The following FAM20A variants were observed in gnomAD, a reference collection of about 807,000 sequenced individuals.
FAM20A encodes the protein FAM20A golgi associated secretory pathway pseudokinase, also known as pseudokinase FAM20A.
In FAM20A, 42 loss-of-function variants were observed where a neutral mutation model predicts 52.0. That is an observed-to-expected ratio of 0.81 (90% CI 0.63 to 1.04). The LOEUF is 1.04. Among genes scored for constraint, FAM20A ranks in the 50% least tolerant of loss-of-function variants. The pLI is 0.00. For synonymous variants in FAM20A, 304 were observed against 298.9 expected, an observed-to-expected ratio of 1.02 and a Z score of -0.18; for missense variants, 742 against 712.7, an observed-to-expected ratio of 1.04 and a Z score of -0.47.
chr17:68,546,784 T>A (rs1053324354), intron 4 of FAM20A, among the ~76,000 whole-genome samples: 17 of 145,740 alleles, frequency 1.2e-4, no homozygotes, highest in African/African-American at 4.4e-4. Flanking sequence ...GAGCTGAGAT[T>A]GAGCCACTGG....
intron 4 of FAM20A, among the ~76,000 whole-genome samples, chr17:68,550,226 CTA>C (rs2086769792): frequency 6.6e-6 from 1 of 152,046 alleles, no homozygotes; most frequent in African/African-American, 2.4e-5. Context: ...ATTTCTAAAT[CTA>C]TATACTGTTT....
At chr17:68,549,577 T>G (rs1434991754) in intron 4 of FAM20A, among the ~76,000 whole-genome samples, 1 of 152,174 alleles carries the variant, frequency 6.6e-6, no homozygotes, top group Admixed American at 6.5e-5. Context: ...ACCTGGTGAT[T>G]TGTGGTGCGT....
chr17:68,535,299 A>C lies in FAM20A; in HGVS notation c.*2178T>G, dbSNP rs1681729737. The C allele has an allele frequency of 2.2e-6, 1 of 454,052 alleles. No homozygotes were observed. Among genetic ancestry groups the C allele is most frequent in the Admixed American group, 2.3e-5 (1 of 42,564 alleles). 28.1% of individuals were successfully genotyped at this position (454,052 alleles called of 1,614,324 possible). On this transcript the variant is annotated 3_prime_UTR_variant, in exon 11 of 11. Coordinates refer to ENST00000592554, the MANE Select transcript of FAM20A (RefSeq NM_017565.4). ...AAGTGAATAATAAGGTAGGTGTACC[A>C]CATATCATGGTGAAATTCAAGCCTA...
chr17:68,537,367 A>G lies in FAM20A; in HGVS notation c.*110T>C, dbSNP rs2086123318. 3 of 1,385,478 alleles carry G rather than the reference A, an allele frequency of 2.2e-6. No individual in the cohort carries two copies. The highest frequency in any genetic ancestry group is 3.1e-6 in the Non-Finnish European group (3 of 983,232). 85.8% of individuals were successfully genotyped at this position (1,385,478 alleles called of 1,614,324 possible). ...TGAGAAAATGTCCTGCTTCCTTCCT[A>G]GCTGACTTGACTCCCAGCAGTAACA... is the stretch of plus-strand genomic sequence containing the variant. On this transcript the variant is annotated 3_prime_UTR_variant, in exon 11 of 11. Transcript: ENST00000592554. The surrounding 1 kb of genome is among the most constrained non-coding windows in gnomAD (Gnocchi z 4.2).
chr17:68,537,575 C>T lies in FAM20A; in HGVS notation c.1528G>A (p.Glu510Lys). Residue 510 changes from glutamate to lysine, a missense_variant, in exon 11 of 11, where the codon GAG (glutamate) becomes AAG (lysine). Glu to Lys is a moderately conservative substitution (Grantham distance 56). Coordinates refer to ENST00000592554, the MANE Select transcript of FAM20A (RefSeq NM_017565.4). This position sits in a 1 kb window ranked among gnomAD's most constrained non-coding sequence, Gnocchi z 4.2. ...TGTCCATGGGCCACTATGCACCCCT[C>T]CACTGTCCTTAGGATGGTTTGGAGC... The part of the protein sequence containing the change: ...RRLQTILRTV[E>K]GCIVAHGQQS... 1 of 1,613,412 alleles carries T rather than the reference C, an allele frequency of 6.2e-7. No individual in the cohort carries two copies. The highest frequency in any genetic ancestry group is 8.5e-7 in the Non-Finnish European group (1 of 1,179,502).
intron 4 of FAM20A, among the ~76,000 whole-genome samples, chr17:68,546,940 C>T (rs79937303): frequency 0.019 from 2,862 of 152,012 alleles, 83 homozygotes; most frequent in African/African-American, 0.065. Context: ...TTAGTCTCCT[C>T]GGACATCTCC....
chr17:68,536,961 A>G lies in FAM20A; in HGVS notation c.*516T>C, dbSNP rs1355806600. ...AGATGGGTCCAGTGACTAGAATATG[A>G]GTAGAAAGTGTGAGGTCTAATTTGA... On this transcript the variant is annotated 3_prime_UTR_variant, in exon 11 of 11. Transcript: ENST00000592554. 2.2e-6 allele frequency: 1 copy of G among 454,240 alleles called. No individual in the cohort carries two copies. Among genetic ancestry groups the G allele is most frequent in the Non-Finnish European group, 4.4e-6 (1 of 226,976 alleles). The allele number at this position is 454,240 out of a possible 1,614,324, so 28.1% of individuals were successfully genotyped here.
chr17:68,550,934 A>G, intron 4 of FAM20A: 1 of 563,466 alleles, frequency 1.8e-6, no homozygotes, highest in East Asian at 3.5e-5. Flanking sequence ...CCTTAGAACC[A>G]TCTACTGGGG....
Position 68,600,401 on chromosome 17 carries a change from C to G in FAM20A, c.266G>C (p.Ser89Thr). Reference sequence around the variant, plus strand: ...GGCGAAGAGGGCCTGCAACTTGGAGCTCGACCCGCTGTGGCTGCCGCCAGC... The same window carrying G: ...GGCGAAGAGGGCCTGCAACTTGGAGGTCGACCCGCTGTGGCTGCCGCCAGC... ...EPAGGSHSGS[S>T]SKLQALFAHP... is the part of the protein sequence containing the mutation. The change falls in exon 1 of 11, where the codon AGC (serine) becomes ACC (threonine). Residue 89 changes from serine to threonine, a missense_variant. Physicochemically the swap from Ser to Thr is moderately conservative, Grantham distance 58. Transcript: ENST00000592554. The surrounding 1 kb of genome is among the most constrained non-coding windows in gnomAD (Gnocchi z 6.2). 1.2e-6 allele frequency: 2 copies of G among 1,609,620 alleles called. No individual in the cohort carries two copies. Among genetic ancestry groups the G allele is most frequent in the Non-Finnish European group, 1.7e-6 (2 of 1,178,584 alleles).
rs368530056 is a variant in FAM20A at position 68,571,714 on chromosome 17, G to A, written c.405-15971C>T. On this transcript the variant is annotated intron_variant, in intron 1 of 10. Transcript: ENST00000592554. ...TTTCCCCATGGCTGTGATGAATTTG[G>A]AAGAATCCTCCTTCATACTGTTCTA... Among the ~76,000 whole-genome samples, 46 of 151,932 alleles carry A rather than the reference G, an allele frequency of 3.0e-4. 1 individual carries two copies. Among genetic ancestry groups the A allele is most frequent in the African/African-American group, 7.7e-4 (32 of 41,442 alleles).
intron 1 of FAM20A, among the ~76,000 whole-genome samples, chr17:68,578,163 A>G (rs2087827644): frequency 6.6e-6 from 1 of 151,910 alleles, no homozygotes; most frequent in Non-Finnish European, 1.5e-5. Flanking sequence ...TTAAAAATCC[A>G]CCCCCTGGGT....
intron 1 of FAM20A, among the ~76,000 whole-genome samples, chr17:68,566,628 T>C (rs1334818400): frequency 6.6e-6 from 1 of 152,242 alleles, no homozygotes; most frequent in Non-Finnish European, 1.5e-5. Flanking sequence ...GACACTTCTC[T>C]ATGAGTTTGA....
chr17:68,595,590 C>T (rs1347891654), intron 1 of FAM20A, among the ~76,000 whole-genome samples: 4 of 152,182 alleles, frequency 2.6e-5, no homozygotes, highest in African/African-American at 4.8e-5. Flanking sequence ...ACACACGGGC[C>T]GTGGTTGAGG....
At chr17:68,586,959 T>A (rs567901576) in intron 1 of FAM20A, among the ~76,000 whole-genome samples, 2 of 152,122 alleles carry the variant, frequency 1.3e-5, no homozygotes, top group Non-Finnish European at 2.9e-5. Context: ...TGGTGTGATG[T>A]CGTTCACTGC....
intron 1 of FAM20A, among the ~76,000 whole-genome samples, chr17:68,565,099 G>A (rs1335139467): frequency 1.3e-5 from 2 of 152,068 alleles, no homozygotes; most frequent in African/African-American, 4.8e-5. Flanking sequence ...AAGGTTTATG[G>A]CTGCTATATT....
intron 1 of FAM20A, among the ~76,000 whole-genome samples, chr17:68,575,502 G>T (rs1406345862): frequency 2.4e-3 from 210 of 86,970 alleles, no homozygotes; most frequent in Middle Eastern, 6.3e-3. Context: ...ATAGATATTA[G>T]ATATTATATA....
chr17:68,551,335 C>A (rs1430024064), intron 4 of FAM20A: 1 of 395,608 alleles, frequency 2.5e-6, no homozygotes, highest in Non-Finnish European at 4.4e-6. Context: ...TTCCTAGTAG[C>A]CTTTCTTGAT....
Position 68,535,247 on chromosome 17 carries a change from T to A in FAM20A, c.*2230A>T. On this transcript the variant is annotated 3_prime_UTR_variant, in exon 11 of 11. Coordinates refer to ENST00000592554, the MANE Select transcript of FAM20A (RefSeq NM_017565.4). ...AAATGAGTCTTAATTTTGTTACTAA[T>A]CAAAAAGTAATGGAAGGTTGAAAGA... The A allele has an allele frequency of 4.4e-6, 2 of 451,378 alleles. No individual in the cohort carries two copies. The highest frequency in any genetic ancestry group is 8.9e-6 in the Non-Finnish European group (2 of 224,876). The allele number at this position is 451,378 out of a possible 1,614,324, so 28.0% of individuals were successfully genotyped here. A position where few individuals can be genotyped will look rare whatever the true frequency, so the allele number is the denominator to read the frequency against.
In FAM20A at chr17:68,539,127, AT is replaced by A. The variant is rs573697871; in HGVS notation, c.1361+209del. Among the ~76,000 whole-genome samples, 36 of 152,282 alleles carry A rather than the reference AT, an allele frequency of 2.4e-4. 1 individual carries two copies. The highest frequency in any genetic ancestry group is 2.3e-3 in the Admixed American group (35 of 15,298). ...ATGCAGTAAAAATACCATATTATTA[AT>A]CTTATGAGACCACCGTCATATATGC... On this transcript the variant is annotated intron_variant, in intron 10 of 10. Transcript: ENST00000592554.
Sources: gnomAD v4.1 joint callset for allele counts (sites outside exome capture counted in the v4.1 genomes callset) on GRCh38, gnomAD v4.1.1 for gene constraint, Gnocchi (gnomAD v3.1) non-coding constraint, MANE v1.5 for transcripts, NCBI Gene and HGNC (gene_info 2026-07-23, HGNC 2026-07-21) for gene names.